PPP2R2A: variants seen among roughly 807,000 people sequenced by gnomAD.
The protein encoded by PPP2R2A is protein phosphatase 2 regulatory subunit Balpha.
A neutral mutation model predicts 53.2 loss-of-function variants in PPP2R2A; 9 were observed. That is an observed-to-expected ratio of 0.17 (90% confidence interval 0.10 to 0.30). The LOEUF is 0.30. PPP2R2A is among the 10% of genes least tolerant of loss of function. The pLI is 1.00. For missense variants in PPP2R2A, 235 were observed against 534.6 expected (o/e 0.44, Z 5.53); for synonymous variants, 169 against 174.2 (o/e 0.97, Z 0.23).
At chr8:26,293,343 C>T (rs753454699) in intron 1 of PPP2R2A, 53 of 1,387,716 alleles carry the variant, frequency 3.8e-5, no homozygotes, top group Non-Finnish European at 4.6e-5. Flanking sequence ...AACTCTTTAA[C>T]TCTTGGTATT....
intron 2 of PPP2R2A, among the ~76,000 whole-genome samples, chr8:26,333,305 T>C (rs1803477478): frequency 6.6e-6 from 1 of 152,244 alleles, no homozygotes; most frequent in East Asian, 1.9e-4. Context: ...TTTTCCAACC[T>C]GTGACTAGAG....
chr8:26,358,698 A>G (rs1585404049), intron 4 of PPP2R2A, among the ~76,000 whole-genome samples: 2 of 152,212 alleles, frequency 1.3e-5, no homozygotes, highest in African/African-American at 2.4e-5. Flanking sequence ...TTTGCTTATG[A>G]AAGATCGTTA....
rs757847296 is a variant in PPP2R2A at position 26,360,003 on chromosome 8, GTA to G, written c.347-164_347-163del. Among the ~76,000 whole-genome samples, 45 of 150,526 alleles carry G rather than the reference GTA, an allele frequency of 3.0e-4. No individual in the cohort carries two copies. Among genetic ancestry groups the G allele is most frequent in the Non-Finnish European group, 4.1e-4 (28 of 67,788 alleles). ...ATCTTTGCACTTTATTTCCATGTGT[GTA>G]TGTTATTCAGCTGATAATAGGAAAT... On this transcript the variant is annotated intron_variant, in intron 4 of 9. Coordinates refer to ENST00000380737, the MANE Select transcript of PPP2R2A (RefSeq NM_002717.4). This position sits in a 1 kb window ranked among gnomAD's most constrained non-coding sequence, Gnocchi z 4.5.
At chr8:26,319,797 G>C (rs964092007) in intron 2 of PPP2R2A, among the ~76,000 whole-genome samples, 1 of 152,072 alleles carries the variant, frequency 6.6e-6, no homozygotes, top group Non-Finnish European at 1.5e-5. Flanking sequence ...CCATGAACAT[G>C]GAATGTCTTT....
chr8:26,296,346 A>G (rs1044125204), intron 2 of PPP2R2A, among the ~76,000 whole-genome samples: 4 of 152,154 alleles, frequency 2.6e-5, no homozygotes, highest in South Asian at 2.1e-4. Context: ...ATTTGCTGCT[A>G]TGGCTAATGA....
At chr8:26,350,012 A>G (rs891525298) in intron 3 of PPP2R2A, among the ~76,000 whole-genome samples, 1 of 152,060 alleles carries the variant, frequency 6.6e-6, no homozygotes, top group Non-Finnish European at 1.5e-5. Context: ...TTGTATTATC[A>G]GTCTTTTAAA....
intron 2 of PPP2R2A, among the ~76,000 whole-genome samples, chr8:26,327,984 G>C (rs1427876232): frequency 6.6e-6 from 1 of 152,182 alleles, no homozygotes; most frequent in African/African-American, 2.4e-5. Flanking sequence ...AGAGGTAAAG[G>C]TGATCTATAG....
intron 2 of PPP2R2A, among the ~76,000 whole-genome samples, chr8:26,327,613 G>T (rs1258374313): frequency 6.6e-6 from 1 of 152,190 alleles, no homozygotes; most frequent in African/African-American, 2.4e-5. Context: ...GGCCAGCAGT[G>T]ATAAAAGAGC....
At chr8:26,363,062 A>C (rs1158671074) in intron 7 of PPP2R2A, 1 of 498,352 alleles carries the variant, frequency 2.0e-6, no homozygotes, top group Non-Finnish European at 3.6e-6. Context: ...TTGCCAAGGA[A>C]TATATCTCTC....
chr8:26,321,405 C>G lies in PPP2R2A; in HGVS notation c.83-17485C>G, dbSNP rs1282352795. ...CCGCTTAAGGTGGCCCCAGTGATCC[C>G]TGGCTTCTGGTATTTATGTCTCTGT... On this transcript the variant is annotated intron_variant, in intron 2 of 9. Coordinates refer to ENST00000380737, the MANE Select transcript of PPP2R2A (RefSeq NM_002717.4). The surrounding 1 kb of genome is among the most constrained non-coding windows in gnomAD (Gnocchi z 4.1). Among the ~76,000 whole-genome samples the G allele has an allele frequency of 6.6e-6, 1 of 152,216 alleles. No homozygotes were observed. The highest frequency in any genetic ancestry group is 2.4e-5 in the African/African-American group (1 of 41,458).
Position 26,362,951 on chromosome 8 carries a change from C to A in PPP2R2A, c.802+103C>A. On this transcript the variant is annotated intron_variant, in intron 7 of 9. Coordinates refer to ENST00000380737, the MANE Select transcript of PPP2R2A (RefSeq NM_002717.4). The surrounding 1 kb of genome is among the most constrained non-coding windows in gnomAD (Gnocchi z 4.4). ...ATTACAGAGGTTCAAAGTCTTAAAC[C>A]CGTGTGTCCAGAGCCACTTGTACCC... The A allele has an allele frequency of 1.7e-6, 2 of 1,162,140 alleles. No homozygotes were observed. Among genetic ancestry groups the A allele is most frequent in the Non-Finnish European group, 2.4e-6 (2 of 820,956 alleles). The allele number at this position is 1,162,140 out of a possible 1,614,324, so 72.0% of individuals were successfully genotyped here.
At chr8:26,308,823 G>A (rs1000803871) in intron 2 of PPP2R2A, among the ~76,000 whole-genome samples, 3 of 151,944 alleles carry the variant, frequency 2.0e-5, no homozygotes, top group Admixed American at 6.6e-5. Flanking sequence ...ATCTTTAAGC[G>A]GAATCACTGT....
intron 2 of PPP2R2A, among the ~76,000 whole-genome samples, chr8:26,296,989 G>A (rs1319287985): frequency 1.3e-5 from 2 of 152,186 alleles, no homozygotes; most frequent in Non-Finnish European, 2.9e-5. Flanking sequence ...CTGGGGATAA[G>A]TACTCTCCTG....
chr8:26,316,492 T>G (rs940589986), intron 2 of PPP2R2A, among the ~76,000 whole-genome samples: 1 of 152,228 alleles, frequency 6.6e-6, no homozygotes, highest in African/African-American at 2.4e-5. Flanking sequence ...TCAGCTTTCT[T>G]AGATAAAAAT....
At position 26,371,525 on chromosome 8, in the gene PPP2R2A, A is replaced by T. The variant is rs1805667485; in HGVS notation, c.*1112A>T. On this transcript the variant is annotated 3_prime_UTR_variant, in exon 10 of 10. Coordinates refer to ENST00000380737, the MANE Select transcript of PPP2R2A (RefSeq NM_002717.4). ...TGCCTTACTAAATAGTCAAAGACTT[A>T]TAAAACATTTTTAACAAGTTAGAAC... The T allele has an allele frequency of 6.6e-6, 1 of 152,232 alleles. No individual in the cohort carries two copies. The highest frequency in any genetic ancestry group is 6.5e-5 in the Admixed American group (1 of 15,290). The allele number at this position is 152,232 out of a possible 1,614,324, so 9.4% of individuals were successfully genotyped here.
intron 3 of PPP2R2A, among the ~76,000 whole-genome samples, chr8:26,349,155 A>G (rs928516349): frequency 4.6e-5 from 7 of 152,224 alleles, no homozygotes; most frequent in African/African-American, 1.2e-4. Context: ...TTCTGTCACT[A>G]AAACAATGGT....
chr8:26,312,019 T>C (rs1235470275), intron 2 of PPP2R2A, among the ~76,000 whole-genome samples: 1 of 136,864 alleles, frequency 7.3e-6, no homozygotes, highest in Non-Finnish European at 1.7e-5. Context: ...AAATAGCATA[T>C]TTTTTACATT....
chr8:26,291,981 A>T, intron 1 of PPP2R2A, 155 bp downstream of exon 1: 2 of 845,892 alleles, frequency 2.4e-6, no homozygotes, highest in Non-Finnish European at 3.0e-6. Context: ...GGGGGCGGGG[A>T]GGGCTCCCGG....
chr8:26,317,736 C>T (rs972914582), intron 2 of PPP2R2A, among the ~76,000 whole-genome samples: 1 of 152,158 alleles, frequency 6.6e-6, no homozygotes, highest in Admixed American at 6.5e-5. Context: ...CTTTAAAGAC[C>T]CACATACACA....
Sources: allele counts gnomAD v4.1 joint callset (sites outside exome capture counted in the v4.1 genomes callset), GRCh38; gene constraint gnomAD v4.1.1; non-coding constraint Gnocchi (gnomAD v3.1); transcripts MANE v1.5; gene names NCBI Gene and HGNC (gene_info 2026-07-23, HGNC 2026-07-21).